The following DOK6 variants were observed in gnomAD, a reference collection of about 807,000 sequenced individuals.
The protein encoded by DOK6 is downstream of tyrosine kinase 6.
A neutral mutation model predicts 44.0 loss-of-function variants in DOK6; 22 were observed. That is an observed-to-expected ratio of 0.50 (90% CI 0.36 to 0.71). DOK6 has a LOEUF of 0.71. Ranked by LOEUF, DOK6 falls within the 30% of genes least tolerant of loss-of-function variation. DOK6 has a pLI of 0.00. For synonymous variants in DOK6, 166 were observed against 145.5 expected (o/e 1.14, Z -1.01); for missense variants, 340 against 416.4 (o/e 0.82, Z 1.60).
At chr18:69,522,609 GACTC>G (rs1439576055) in intron 1 of DOK6, among the ~76,000 whole-genome samples, 1 of 151,992 alleles carries the variant, frequency 6.6e-6, no homozygotes, top group Non-Finnish European at 1.5e-5. Flanking sequence ...AAAAAGTAGA[GACTC>G]ACAAAACTAA....
intron 2 of DOK6, among the ~76,000 whole-genome samples, chr18:69,588,023 C>A (rs560743706): frequency 1.5e-4 from 23 of 152,252 alleles, no homozygotes; most frequent in African/African-American, 5.1e-4. Context: ...CTTGTTTTAG[C>A]TGGTATTTAC....
chr18:69,704,456 A>ACAT (rs1986588424), intron 5 of DOK6, among the ~76,000 whole-genome samples: 1 of 150,684 alleles, frequency 6.6e-6, no homozygotes, highest in East Asian at 2.0e-4. Context: ...AGCAGTGTGT[A>ACAT]CATCAGGTCC....
chr18:69,742,414 C>T (rs972758981), intron 6 of DOK6, among the ~76,000 whole-genome samples: 1 of 120,468 alleles, frequency 8.3e-6, no homozygotes. Context: ...AACTCCATCT[C>T]AAAAAAAAAA....
intron 7 of DOK6, among the ~76,000 whole-genome samples, chr18:69,811,556 ATATATATATATATATATATATC>A (rs1266260628): frequency 0.033 from 583 of 17,550 alleles, 18 homozygotes; most frequent in South Asian, 0.23. Flanking sequence ...ATATATATAT[ATATATATATATATATATATATC>A]AAAACACTAC....
At chr18:69,640,952 C>T (rs757828622) in intron 3 of DOK6, among the ~76,000 whole-genome samples, 14 of 152,204 alleles carry the variant, frequency 9.2e-5, no homozygotes, top group Non-Finnish European at 2.1e-4. Flanking sequence ...GTGGCTCACG[C>T]CTGTAATCCC....
intron 1 of DOK6, among the ~76,000 whole-genome samples, chr18:69,434,981 A>G (rs1318468582): frequency 7.1e-6 from 1 of 140,630 alleles, no homozygotes; most frequent in East Asian, 2.3e-4. Flanking sequence ...GGAAGGAAGG[A>G]AAGAAGGAAG....
Position 69,672,310 on chromosome 18 carries a change from G to T in DOK6, c.290-5424G>T, listed in dbSNP as rs569864020. Among the ~76,000 whole-genome samples, 86 of 152,250 alleles carry T rather than the reference G, an allele frequency of 5.6e-4. 1 individual carries two copies. The highest frequency in any genetic ancestry group is 3.4e-3 in the Middle Eastern group (1 of 294). Reference sequence around the variant, plus strand: ...AGGCTAACCAGAGATCCATGCTTTTGATCTTTGCTGAAACAAGCATTTAGG... The same window carrying T: ...AGGCTAACCAGAGATCCATGCTTTTTATCTTTGCTGAAACAAGCATTTAGG... On this transcript the variant is annotated intron_variant, in intron 3 of 7. Transcript: ENST00000382713.
At chr18:69,827,438 A>ATC (rs1981773449) in intron 7 of DOK6, among the ~76,000 whole-genome samples, 1 of 152,082 alleles carries the variant, frequency 6.6e-6, no homozygotes. Context: ...TGCTTCCCAG[A>ATC]TCTCTGAAAA....
rs1217767974 is a variant in DOK6, at chr18:69,729,630, A to G, written c.600-9335A>G. ...ATGAGGATTCGGAGCAACTCTGTGC[A>G]TGTTGGTTGAGACTCCAACCAACCA... On this transcript the variant is annotated intron_variant, in intron 5 of 7. Coordinates refer to ENST00000382713, the MANE Select transcript of DOK6 (RefSeq NM_152721.6). Among the ~76,000 whole-genome samples, 4 of 152,322 alleles carry G rather than the reference A, an allele frequency of 2.6e-5. No individual in the cohort carries two copies. In the East Asian group the frequency reaches 7.7e-4, roughly 29 times the overall value.
intron 1 of DOK6, among the ~76,000 whole-genome samples, chr18:69,530,595 AT>A (rs1981958259): frequency 6.6e-6 from 1 of 152,182 alleles, no homozygotes; most frequent in Admixed American, 6.6e-5. Context: ...TGAAAAAAAA[AT>A]GACTGGATTC....
chr18:69,478,637 C>T (rs1461322024), intron 1 of DOK6, among the ~76,000 whole-genome samples: 1 of 152,118 alleles, frequency 6.6e-6, no homozygotes, highest in Non-Finnish European at 1.5e-5. Flanking sequence ...ACATTTATTT[C>T]ATGATTTTTT....
At chr18:69,833,324 C>T (rs1023158350) in intron 7 of DOK6, among the ~76,000 whole-genome samples, 8 of 152,178 alleles carry the variant, frequency 5.3e-5, no homozygotes, top group Non-Finnish European at 1.2e-4. Context: ...GGACAGTCTG[C>T]TTAATAAATG....
chr18:69,837,086 C>T (rs1270662963), intron 7 of DOK6, among the ~76,000 whole-genome samples: 3 of 152,090 alleles, frequency 2.0e-5, no homozygotes, highest in Non-Finnish European at 4.4e-5. Flanking sequence ...GTGAAGAAAG[C>T]GATGCTGACC....
chr18:69,657,318 C>A (rs769731699), intron 3 of DOK6, among the ~76,000 whole-genome samples: 1 of 152,124 alleles, frequency 6.6e-6, no homozygotes, highest in African/African-American at 2.4e-5. Context: ...AACAGTGACA[C>A]GTGCCACATA....
At chr18:69,804,302 T>C (rs774723366) in intron 7 of DOK6, among the ~76,000 whole-genome samples, 28 of 152,310 alleles carry the variant, frequency 1.8e-4, no homozygotes, top group Admixed American at 1.6e-3. Context: ...ACTTATGATG[T>C]CTAAGAAGGT....
intron 1 of DOK6, among the ~76,000 whole-genome samples, chr18:69,559,531 G>GTC (rs375108536): frequency 2.2e-4 from 33 of 152,182 alleles, no homozygotes; most frequent in African/African-American, 7.7e-4. Flanking sequence ...TCTGTTAGCA[G>GTC]TCTCTCAAAT....
intron 1 of DOK6, among the ~76,000 whole-genome samples, chr18:69,437,602 G>T (rs1380417691): frequency 6.6e-6 from 1 of 152,152 alleles, no homozygotes; most frequent in Non-Finnish European, 1.5e-5. Flanking sequence ...GTCAGGTAGT[G>T]TGATGCCTCC....
chr18:69,714,964 T>C (rs113216046), intron 5 of DOK6, among the ~76,000 whole-genome samples: 1 of 152,180 alleles, frequency 6.6e-6, no homozygotes, highest in Non-Finnish European at 1.5e-5. Context: ...GTATATTTAT[T>C]TAATGTGTTT....
chr18:69,401,375 G>A (rs958393495), intron 1 of DOK6, 65 bp downstream of exon 1: 46 of 1,422,470 alleles, frequency 3.2e-5, no homozygotes, highest in African/African-American at 1.0e-4. Flanking sequence ...TGCCTGGGGG[G>A]GGGGCAGGGA....
Sources: gnomAD v4.1 joint callset for allele counts (sites outside exome capture counted in the v4.1 genomes callset) on GRCh38, gnomAD v4.1.1 for gene constraint, MANE v1.5 for transcripts, NCBI Gene and HGNC (gene_info 2026-07-23, HGNC 2026-07-21) for gene names.